PEX14: variants seen among roughly 807,000 people sequenced by gnomAD.
PEX14 encodes the protein peroxisomal biogenesis factor 14, also known as peroxisomal membrane protein PEX14.
In PEX14, 15 loss-of-function variants were observed where a neutral mutation model predicts 49.5. The ratio of observed to expected loss-of-function variants is 0.30; its 90% CI spans 0.20 to 0.47. The LOEUF (loss-of-function observed/expected upper bound fraction) is 0.47, where lower values mean the gene tolerates loss of function less well. Ranked by LOEUF, PEX14 falls within the 20% of genes least tolerant of loss-of-function variation. The pLI is 1.00. For missense variants in PEX14, 398 were observed against 494.8 expected (o/e 0.80, Z 1.86); for synonymous variants, 210 against 212.7 (o/e 0.99, Z 0.11).
chr1:10,511,983 G>A (rs958861979), intron 2 of PEX14, among the ~76,000 whole-genome samples: 3 of 152,070 alleles, frequency 2.0e-5, no homozygotes, highest in Middle Eastern at 3.4e-3. Flanking sequence ...TTTTTGAGAC[G>A]GAGTCTTGCT....
Position 10,566,536 on chromosome 1 carries a change from T to C in PEX14, c.169+30239T>C, listed in dbSNP as rs151084521. On this transcript the variant is annotated intron_variant, in intron 3 of 8. Transcript: ENST00000356607. ...GGAATTTCACTCTTGTTGCCCAGGT[T>C]GGAGTGCAATGGCATGATCTTGACT... is the stretch of plus-strand genomic sequence containing the variant. 4.8e-3 allele frequency among the ~76,000 whole-genome samples: 730 copies of C among 152,054 alleles called. 7 individuals carry two copies. The highest frequency in any genetic ancestry group is 0.017 in the African/African-American group (694 of 41,462).
rs562517930 is a variant in PEX14, at chr1:10,496,119, G to A, written c.84+798G>A. Among the ~76,000 whole-genome samples, 6 of 152,324 alleles carry A rather than the reference G, an allele frequency of 3.9e-5. No individual in the cohort carries two copies. The South Asian group carries it at 1.2e-3, about 32-fold the overall frequency. On this transcript the variant is annotated intron_variant, in intron 2 of 8. Transcript: ENST00000356607. The stretch of plus-strand genomic sequence containing the variant: ...CTGCTTCACTCCCCTTCTGGCAGTC[G>A]CGGGAGGAGATGACGTGAGGGACTT...
intron 3 of PEX14, among the ~76,000 whole-genome samples, chr1:10,591,635 C>G (rs1450677417): frequency 2.9e-5 from 4 of 139,648 alleles, no homozygotes; most frequent in Non-Finnish European, 6.2e-5. Flanking sequence ...GGTATACACA[C>G]TGTGTGTGTG....
intron 1 of PEX14, among the ~76,000 whole-genome samples, chr1:10,479,565 A>G (rs904394239): frequency 3.3e-5 from 5 of 152,224 alleles, no homozygotes; most frequent in African/African-American, 1.2e-4. Context: ...GCTGAACAGC[A>G]GAGGCATGGT....
intron 2 of PEX14, among the ~76,000 whole-genome samples, chr1:10,501,012 T>C (rs897964123): frequency 2.0e-5 from 3 of 152,258 alleles, no homozygotes; most frequent in African/African-American, 7.2e-5. Context: ...GATGCTGTAT[T>C]CATGAAAGTG....
At chr1:10,615,149 C>G (rs1234706772) in intron 4 of PEX14, among the ~76,000 whole-genome samples, 1 of 152,152 alleles carries the variant, frequency 6.6e-6, no homozygotes, top group Non-Finnish European at 1.5e-5. Context: ...GAAGTCCTTG[C>G]TAACCATAAC....
At chr1:10,559,788 G>A (rs917733798) in intron 3 of PEX14, among the ~76,000 whole-genome samples, 14 of 152,204 alleles carry the variant, frequency 9.2e-5, no homozygotes, top group African/African-American at 3.4e-4. Context: ...TGTGTCATCA[G>A]GCTGCTGCCC....
intron 2 of PEX14, among the ~76,000 whole-genome samples, chr1:10,511,296 T>G (rs927543943): frequency 6.6e-6 from 1 of 152,236 alleles, no homozygotes; most frequent in African/African-American, 2.4e-5. Context: ...CTCCTTTCTT[T>G]TCAGACTTAT....
intron 2 of PEX14, among the ~76,000 whole-genome samples, chr1:10,527,990 C>A (rs1392843433): frequency 2.0e-5 from 3 of 152,202 alleles, no homozygotes; most frequent in African/African-American, 7.2e-5. Context: ...CTTTTAAAGA[C>A]TCCTTGAAGG....
chr1:10,537,341 A>ACC (rs34410254), intron 3 of PEX14, among the ~76,000 whole-genome samples: 1,914 of 28,184 alleles, frequency 0.068, 237 homozygotes, highest in South Asian at 0.14. Flanking sequence ...TTGTGCCAGC[A>ACC]CCCCCCCCCC....
rs185330954 is a variant in PEX14 at position 10,512,791 on chromosome 1, C to G, written c.84+17470C>G. On this transcript the variant is annotated intron_variant, in intron 2 of 8. Transcript: ENST00000356607. The surrounding 1 kb of genome is among the most constrained non-coding windows in gnomAD (Gnocchi z 4.6). ...TCGGCTCACTGCAACCTCCGCCTCA[C>G]GGGTTCAAGCGATTCCCTGCCTCAG... Among the ~76,000 whole-genome samples the G allele has an allele frequency of 3.0e-4, 46 of 152,156 alleles. 1 individual carries two copies. In the East Asian group the frequency reaches 8.3e-3, roughly 28 times the overall value.
intron 7 of PEX14, 51 bp from the exon 8 acceptor site, chr1:10,627,221 C>T (rs752481248): frequency 1.6e-5 from 20 of 1,280,410 alleles, no homozygotes; most frequent in Admixed American, 5.0e-5. Flanking sequence ...CCGCAGGCCC[C>T]GCCCGTGCCG....
intron 2 of PEX14, among the ~76,000 whole-genome samples, chr1:10,496,669 C>T (rs959385282): frequency 1.3e-5 from 2 of 151,964 alleles, no homozygotes; most frequent in Non-Finnish European, 2.9e-5. Flanking sequence ...GGCCAGCTCA[C>T]TGATTTCTGG....
At chr1:10,596,215 C>T (rs926224995) in intron 3 of PEX14, among the ~76,000 whole-genome samples, 1 of 152,192 alleles carries the variant, frequency 6.6e-6, no homozygotes, top group African/African-American at 2.4e-5. Flanking sequence ...TTAAAGCTGG[C>T]CAGTTCTGCC....
At chr1:10,547,377 G>A (rs1038691160) in intron 3 of PEX14, among the ~76,000 whole-genome samples, 5 of 152,086 alleles carry the variant, frequency 3.3e-5, no homozygotes, top group Non-Finnish European at 5.9e-5. Flanking sequence ...CACCTAATTG[G>A]TGGTACCTAA....
intron 4 of PEX14, among the ~76,000 whole-genome samples, chr1:10,603,491 T>G (rs1641043171): frequency 6.6e-6 from 1 of 151,952 alleles, no homozygotes; most frequent in African/African-American, 2.4e-5. Context: ...TGGTGTCACC[T>G]GGTGTGAGCA....
intron 3 of PEX14, among the ~76,000 whole-genome samples, chr1:10,598,518 T>G (rs916854432): frequency 6.6e-6 from 1 of 152,196 alleles, no homozygotes; most frequent in African/African-American, 2.4e-5. Context: ...GCCCTGCCAC[T>G]TCCTGATGTC....
Position 10,613,090 on chromosome 1 carries a change from C to T in PEX14, c.299-5242C>T, listed in dbSNP as rs562015305. ...GCTCTGTGTTGCCGATGAACCTTTA[C>T]TGGATTGCAGGATTTCCATGGTGTG... is the stretch of plus-strand genomic sequence containing the variant. On this transcript the variant is annotated intron_variant, in intron 4 of 8. Transcript: ENST00000356607. The surrounding 1 kb of genome is among the most constrained non-coding windows in gnomAD (Gnocchi z 5.0). 6.6e-6 allele frequency among the ~76,000 whole-genome samples: 1 copy of T among 152,324 alleles called. No individual in the cohort carries two copies. Among genetic ancestry groups the T allele is most frequent in the Admixed American group, 6.5e-5 (1 of 15,306 alleles).
intron 3 of PEX14, among the ~76,000 whole-genome samples, chr1:10,553,100 G>A (rs1487426228): frequency 6.6e-6 from 1 of 152,184 alleles, no homozygotes; most frequent in Non-Finnish European, 1.5e-5. Context: ...TCATGCTAGC[G>A]TTTTAGAAAG....
Sources: gnomAD v4.1 joint callset for allele counts (sites outside exome capture counted in the v4.1 genomes callset) on GRCh38, gnomAD v4.1.1 for gene constraint, Gnocchi (gnomAD v3.1) non-coding constraint, MANE v1.5 for transcripts, NCBI Gene and HGNC (gene_info 2026-07-23, HGNC 2026-07-21) for gene names.